The following NHSL1 variants were observed in gnomAD, a reference collection of about 807,000 sequenced individuals.
NHSL1 encodes NHS like 1, also known as NHS-like protein 1.
NHSL1 carries 48 observed loss-of-function variants against 95.0 expected under a neutral mutation model. The ratio of observed to expected loss-of-function variants is 0.51; its 90% confidence interval spans 0.40 to 0.64. The LOEUF (loss-of-function observed/expected upper bound fraction) is 0.64. Ranked by LOEUF, NHSL1 falls within the 30% of genes least tolerant of loss-of-function variation. The probability of loss-of-function intolerance (pLI) is 0.00; values close to 1 mark genes in which losing one functional copy is unlikely to be tolerated. For synonymous variants in NHSL1, 783 were observed against 833.9 expected, an observed-to-expected ratio of 0.94 and a Z score of 1.05; for missense variants, 1,971 against 2,077.7, an observed-to-expected ratio of 0.95 and a Z score of 1.00.
chr6:138,659,722 T>G (rs886851939), intron 1 of NHSL1, among the ~76,000 whole-genome samples: 4,781 of 52,996 alleles, frequency 0.09, 63 homozygotes, highest in African/African-American at 0.25. Flanking sequence ...TTTTTTTTTG[T>G]TTTTTTTTTT....
At chr6:138,668,415 C>A (rs1785322352) in intron 1 of NHSL1, among the ~76,000 whole-genome samples, 1 of 151,962 alleles carries the variant, frequency 6.6e-6, no homozygotes, top group Non-Finnish European at 1.5e-5. Context: ...TGCACTCCAA[C>A]CTGGCCAACA....
At chr6:138,460,761 T>G (rs1777942425) in intron 3 of NHSL1, among the ~76,000 whole-genome samples, 1 of 151,636 alleles carries the variant, frequency 6.6e-6, no homozygotes, top group Non-Finnish European at 1.5e-5. Flanking sequence ...TGTTAGAGAT[T>G]TCCTGTTAGC....
chr6:138,658,650 G>A (rs546027523), intron 1 of NHSL1, among the ~76,000 whole-genome samples: 2 of 152,302 alleles, frequency 1.3e-5, no homozygotes, highest in African/African-American at 2.4e-5. Flanking sequence ...TAATGAACAT[G>A]GGAGTGCAGG....
At chr6:138,562,576 C>T (rs1296987195) in intron 1 of NHSL1, among the ~76,000 whole-genome samples, 4 of 152,120 alleles carry the variant, frequency 2.6e-5, no homozygotes, top group African/African-American at 9.7e-5. Flanking sequence ...GCACGAGAAT[C>T]GTTTGAACCC....
intron 1 of NHSL1, among the ~76,000 whole-genome samples, chr6:138,580,146 C>G (rs1311363189): frequency 6.6e-6 from 1 of 152,160 alleles, no homozygotes; most frequent in African/African-American, 2.4e-5. Context: ...ATTATTGCAG[C>G]TAGGCATCAG....
At chr6:138,592,085 A>C (rs909936564) in intron 1 of NHSL1, among the ~76,000 whole-genome samples, 4 of 152,170 alleles carry the variant, frequency 2.6e-5, no homozygotes, top group African/African-American at 9.7e-5. Context: ...TCATAGCTAT[A>C]ATCAAACTAA....
At position 138,431,618 on chromosome 6, in the gene NHSL1, A is replaced by C. The variant is rs370520636; in HGVS notation, c.2727T>G (p.Thr909=). 178 of 1,551,376 alleles carry C rather than the reference A, an allele frequency of 1.1e-4. 2 individuals are homozygous for C. In the African/African-American group the frequency reaches 2.1e-3, roughly 18 times the overall value. The part of the protein sequence containing the change: ...SSSSTSLSSS[T]STEGSGTMKK... ...TCATAGTGCCACTTCCTTCAGTAGA[A>C]GTACTAGAAGAAAGAGAAGTGGACG... The change falls in exon 6 of 8, where the codon ACT becomes ACG. Residue 909 remains threonine (T), a synonymous_variant. Coordinates refer to ENST00000343505, the MANE Select transcript of NHSL1 (RefSeq NM_001144060.2). This position sits in a 1 kb window ranked among gnomAD's most constrained non-coding sequence, Gnocchi z 4.0.
intron 7 of NHSL1, among the ~76,000 whole-genome samples, chr6:138,428,960 C>T (rs72988942): frequency 5.9e-5 from 9 of 152,276 alleles, no homozygotes; most frequent in South Asian, 2.1e-4. Context: ...TCAGCTTTTA[C>T]GATGACACTG....
At chr6:138,654,032 G>T (rs1210704262) in intron 1 of NHSL1, among the ~76,000 whole-genome samples, 1 of 152,198 alleles carries the variant, frequency 6.6e-6, no homozygotes. Flanking sequence ...ATGAGGATCA[G>T]TGTGACACCC....
chr6:138,582,310 C>T (rs907224101), intron 1 of NHSL1, among the ~76,000 whole-genome samples: 1 of 151,910 alleles, frequency 6.6e-6, no homozygotes, highest in Admixed American at 6.6e-5. Context: ...CAAAAAATCC[C>T]TTTTCCCCTG....
intron 3 of NHSL1, among the ~76,000 whole-genome samples, chr6:138,452,667 G>C (rs1046969271): frequency 6.6e-6 from 1 of 152,174 alleles, no homozygotes; most frequent in African/African-American, 2.4e-5. Flanking sequence ...CTTCCTCCCA[G>C]AATTAAACCT....
rs1447791804 is a variant in NHSL1, at chr6:138,423,199, G to C, written c.*882C>G. On this transcript the variant is annotated 3_prime_UTR_variant, in exon 8 of 8. Transcript: ENST00000343505. ...TCTGAAAAATAATTTTATTTCATAG[G>C]CAGGAAACAAATTCCAGCAGTGTAT... The C allele has an allele frequency of 6.6e-6, 1 of 151,778 alleles. No homozygotes were observed. Among genetic ancestry groups the C allele is most frequent in the Non-Finnish European group, 1.5e-5 (1 of 68,006 alleles). The allele number at this position is 151,778 out of a possible 1,614,324, so 9.4% of individuals were successfully genotyped here. A position where few individuals can be genotyped will look rare whatever the true frequency, so the allele number is the denominator to read the frequency against.
intron 1 of NHSL1, among the ~76,000 whole-genome samples, chr6:138,661,074 T>G (rs1785221227): frequency 1.3e-5 from 2 of 152,194 alleles, no homozygotes; most frequent in Non-Finnish European, 2.9e-5. Flanking sequence ...GAGAAGATTA[T>G]CACAATCAAG....
rs1368315881 is a variant in NHSL1, at chr6:138,424,749, G to T, written c.4153C>A (p.Pro1385Thr). The T allele has an allele frequency of 1.4e-5, 22 of 1,551,072 alleles. No individual in the cohort carries two copies. Among genetic ancestry groups the T allele is most frequent in the Non-Finnish European group, 1.9e-5 (22 of 1,146,640 alleles). The change falls in exon 8 of 8, where the codon CCG becomes ACG. Residue 1385 changes from proline to threonine, a missense_variant. By Grantham distance (38) the Pro-to-Thr change is conservative. Coordinates refer to ENST00000343505, the MANE Select transcript of NHSL1 (RefSeq NM_001144060.2). This position sits in a 1 kb window ranked among gnomAD's most constrained non-coding sequence, Gnocchi z 5.9. ...DDHSRNHSPS[P>T]PVTPTGAAPS... ...GCAGCGCCGGTGGGTGTCACGGGCG[G>T]GGAGGGAGAATGGTTTCGGGAGTGG...
intron 1 of NHSL1, among the ~76,000 whole-genome samples, chr6:138,676,627 A>T (rs1785452538): frequency 6.6e-6 from 1 of 152,130 alleles, no homozygotes; most frequent in South Asian, 2.1e-4. Flanking sequence ...CTTACATGCC[A>T]TGTTCTAATG....
intron 1 of NHSL1, among the ~76,000 whole-genome samples, chr6:138,497,109 A>G (rs1780399502): frequency 6.6e-6 from 1 of 152,208 alleles, no homozygotes; most frequent in African/African-American, 2.4e-5. Context: ...AATAACAGGT[A>G]AAATCCTGAG....
At chr6:138,616,008 A>G (rs1430177224) in intron 1 of NHSL1, among the ~76,000 whole-genome samples, 1 of 152,254 alleles carries the variant, frequency 6.6e-6, no homozygotes, top group Non-Finnish European at 1.5e-5. Flanking sequence ...TGGGCAACAT[A>G]GCAAGGCCCC....
intron 1 of NHSL1, among the ~76,000 whole-genome samples, chr6:138,607,097 T>A (rs371254202): frequency 6.6e-6 from 1 of 152,190 alleles, no homozygotes; most frequent in South Asian, 2.1e-4. Context: ...CTGTAGGTAA[T>A]GCTCCACACT....
Position 138,455,962 on chromosome 6 carries a change from G to A in NHSL1, c.340-8769C>T, listed in dbSNP as rs79662362. On this transcript the variant is annotated intron_variant, in intron 3 of 7. Transcript: ENST00000343505. Reference sequence around the variant, plus strand: ...TCTATTGAATCATTTTCTTTGAAGCGTGGTTTGAAATACCAATCAGCTTAA... The same window carrying A: ...TCTATTGAATCATTTTCTTTGAAGCATGGTTTGAAATACCAATCAGCTTAA... 7.6e-3 allele frequency among the ~76,000 whole-genome samples: 1,163 copies of A among 152,314 alleles called. 31 individuals are homozygous for A. The highest frequency in any genetic ancestry group is 0.07 in the East Asian group (364 of 5,178).
Sources: allele counts gnomAD v4.1 joint callset (sites outside exome capture counted in the v4.1 genomes callset), GRCh38; gene constraint gnomAD v4.1.1; non-coding constraint Gnocchi (gnomAD v3.1); transcripts MANE v1.5; gene names NCBI Gene and HGNC (gene_info 2026-07-23, HGNC 2026-07-21).